GAS7: variants seen among roughly 807,000 people sequenced by gnomAD.
GAS7 encodes growth arrest specific 7.
A neutral mutation model predicts 71.1 loss-of-function variants in GAS7; 28 were observed. That is an observed-to-expected ratio of 0.39 (90% CI 0.29 to 0.54). GAS7 has a LOEUF of 0.54. GAS7 is among the 20% of genes least tolerant of loss of function. The pLI, the probability that GAS7 is intolerant of heterozygous loss-of-function variation, is 0.62. For synonymous variants in GAS7, 258 were observed against 245.8 expected (o/e 1.05, Z -0.46); for missense variants, 436 against 627.8 (o/e 0.69, Z 3.27).
intron 1 of GAS7, among the ~76,000 whole-genome samples, chr17:10,138,778 A>G (rs927718775): frequency 2.6e-5 from 4 of 152,138 alleles, no homozygotes; most frequent in African/African-American, 9.7e-5. Context: ...AAAAAAAACA[A>G]AAACAAAACA....
At chr17:9,999,597 T>G (rs9904524) in intron 2 of GAS7, among the ~76,000 whole-genome samples, 21,372 of 152,050 alleles carry the variant, frequency 0.14, 2,070 homozygotes, top group African/African-American at 0.27. Flanking sequence ...GGTGAGGCTA[T>G]TCTGGAAAAT....
intron 1 of GAS7, among the ~76,000 whole-genome samples, chr17:10,147,231 T>C (rs950127438): frequency 6.6e-6 from 1 of 152,240 alleles, no homozygotes; most frequent in East Asian, 1.9e-4. Context: ...TTCAACATAC[T>C]TGCACATATT....
intron 1 of GAS7, among the ~76,000 whole-genome samples, chr17:10,060,745 A>G (rs1245644178): frequency 6.6e-6 from 1 of 152,234 alleles, no homozygotes; most frequent in East Asian, 1.9e-4. Context: ...TCGTGCGAAC[A>G]CAAAATGGTA....
chr17:10,154,913 TACACACACACAC>T (rs57604032), intron 1 of GAS7, among the ~76,000 whole-genome samples: 185 of 141,958 alleles, frequency 1.3e-3, no homozygotes, highest in East Asian at 5.4e-3. Flanking sequence ...AACCCCAGGC[TACACACACACAC>T]ACACACACAC....
intron 3 of GAS7, among the ~76,000 whole-genome samples, chr17:9,975,812 T>C (rs996647080): frequency 2.0e-5 from 3 of 152,156 alleles, no homozygotes; most frequent in African/African-American, 7.2e-5. Context: ...GCAGCATCCT[T>C]CCGCGCACAC....
intron 1 of GAS7, among the ~76,000 whole-genome samples, chr17:10,173,865 G>A (rs576497845): frequency 8.6e-4 from 131 of 152,296 alleles, no homozygotes; most frequent in Non-Finnish European, 1.4e-3. Context: ...GGTGGCTGCA[G>A]ACCCAAAGAA....
chr17:10,076,814 C>A (rs919036477), intron 1 of GAS7, among the ~76,000 whole-genome samples: 5 of 147,696 alleles, frequency 3.4e-5, no homozygotes, highest in African/African-American at 1.0e-4. Context: ...GCTGCCCTCC[C>A]AGTACCAGGG....
At chr17:10,141,988 G>A (rs1037211340) in intron 1 of GAS7, among the ~76,000 whole-genome samples, 2 of 150,446 alleles carry the variant, frequency 1.3e-5, no homozygotes, top group Non-Finnish European at 3.0e-5. Flanking sequence ...CAGCACTTTG[G>A]GGGGCCGAGG....
intron 13 of GAS7, among the ~76,000 whole-genome samples, 195 bp downstream of exon 13, chr17:9,917,806 C>T (rs9908886): frequency 1.3e-5 from 2 of 152,144 alleles, no homozygotes; most frequent in East Asian, 1.9e-4. Context: ...GTGCCAGGGT[C>T]GGAATCACAC....
At chr17:10,111,690 A>G (rs2073815487) in intron 1 of GAS7, among the ~76,000 whole-genome samples, 1 of 152,184 alleles carries the variant, frequency 6.6e-6, no homozygotes, top group African/African-American at 2.4e-5. Context: ...CTCTAAATAA[A>G]TAAATAAGTC....
At chr17:10,152,503 A>G (rs2074173969) in intron 1 of GAS7, among the ~76,000 whole-genome samples, 1 of 152,170 alleles carries the variant, frequency 6.6e-6, no homozygotes, top group African/African-American at 2.4e-5. Flanking sequence ...TTAATTTCAC[A>G]CATGACAAAA....
At chr17:9,957,389 G>A (rs368262137) in intron 5 of GAS7, among the ~76,000 whole-genome samples, 2 of 152,190 alleles carry the variant, frequency 1.3e-5, no homozygotes, top group East Asian at 1.9e-4. Flanking sequence ...AACAAGGGCC[G>A]CCATCAGCCC....
At chr17:10,153,441 A>G (rs1333374009) in intron 1 of GAS7, among the ~76,000 whole-genome samples, 1 of 150,020 alleles carries the variant, frequency 6.7e-6, no homozygotes, top group African/African-American at 2.5e-5. Context: ...GCTTGTACCC[A>G]GGGGGCACAG....
chr17:9,942,218 C>T (rs776360255), intron 7 of GAS7, among the ~76,000 whole-genome samples: 2 of 151,700 alleles, frequency 1.3e-5, no homozygotes, highest in Non-Finnish European at 2.9e-5. Context: ...TGCGCAACTA[C>T]ACTCCAGCCT....
At chr17:9,940,093 C>T in intron 8 of GAS7, 33 bp downstream of exon 8, 1 of 1,187,710 alleles carries the variant, frequency 8.4e-7, no homozygotes, top group Non-Finnish European at 1.3e-6. Context: ...ACCCCCCATC[C>T]TCCCCACTCC....
At chr17:10,081,967 T>C (rs2073461514) in intron 1 of GAS7, among the ~76,000 whole-genome samples, 1 of 152,168 alleles carries the variant, frequency 6.6e-6, no homozygotes, top group Non-Finnish European at 1.5e-5. Context: ...GGATAAGCAT[T>C]ACACCATTGC....
At chr17:10,155,654 T>C (rs1333378221) in intron 1 of GAS7, among the ~76,000 whole-genome samples, 2 of 152,062 alleles carry the variant, frequency 1.3e-5, no homozygotes, top group African/African-American at 4.8e-5. Context: ...ATTCTTCTGG[T>C]CCTCCCACTC....
At chr17:9,979,348 C>T (rs1343911518) in intron 3 of GAS7, among the ~76,000 whole-genome samples, 2 of 152,148 alleles carry the variant, frequency 1.3e-5, no homozygotes, top group African/African-American at 4.8e-5. Flanking sequence ...CTTGGCCATG[C>T]GGGCAATTCT....
intron 1 of GAS7, among the ~76,000 whole-genome samples, chr17:10,031,617 C>A (rs1282400008): frequency 6.6e-6 from 1 of 152,210 alleles, no homozygotes; most frequent in Admixed American, 6.5e-5. Context: ...ATGACCCTTC[C>A]TCCTCTGACT....
Sources: allele counts gnomAD v4.1 joint callset (sites outside exome capture counted in the v4.1 genomes callset), GRCh38; gene constraint gnomAD v4.1.1; transcripts MANE v1.5; gene names NCBI Gene and HGNC (gene_info 2026-07-23, HGNC 2026-07-21).